The following LPP variants were observed in gnomAD, a reference collection of about 807,000 sequenced individuals.
LPP encodes LIM domain containing preferred translocation partner in lipoma, also known as lipoma-preferred partner.
LPP carries 38 observed loss-of-function variants against 60.4 expected under a neutral mutation model. The observed-to-expected ratio is 0.63, with a 90% CI of 0.49 to 0.83. The LOEUF (loss-of-function observed/expected upper bound fraction) is 0.83. LPP is among the 40% of genes least tolerant of loss of function. The probability of loss-of-function intolerance (pLI) is 0.00; values close to 1 mark genes in which losing one functional copy is unlikely to be tolerated. For synonymous variants in LPP, 328 were observed against 290.8 expected, an observed-to-expected ratio of 1.13 and a Z score of -1.30; for missense variants, 902 against 783.6, an observed-to-expected ratio of 1.15 and a Z score of -1.80.
In LPP at chr3:188,571,005, C is replaced by T. The variant is rs570426099; in HGVS notation, c.430-38156C>T. On this transcript the variant is annotated intron_variant, in intron 6 of 11. Transcript: ENST00000617246. ...CATTTGATAAGTGTATAAAGAGCTA[C>T]GCTCAAAGCTTTGTATTGTACCTCC... Among the ~76,000 whole-genome samples, 4 of 152,156 alleles carry T rather than the reference C, an allele frequency of 2.6e-5. No homozygotes were observed. In the East Asian group the frequency reaches 5.8e-4, roughly 22 times the overall value.
At chr3:188,233,870 C>T (rs1720962532) in intron 2 of LPP, among the ~76,000 whole-genome samples, 1 of 152,098 alleles carries the variant, frequency 6.6e-6, no homozygotes, top group South Asian at 2.1e-4. Flanking sequence ...CCCACTGCCA[C>T]CCTCCATGGC....
intron 9 of LPP, among the ~76,000 whole-genome samples, chr3:188,797,313 T>G (rs1745677772): frequency 6.6e-6 from 1 of 152,142 alleles, no homozygotes; most frequent in African/African-American, 2.4e-5. Flanking sequence ...AGTCTGTTAC[T>G]TCATAGGTTG....
chr3:188,662,804 C>T (rs922044720), intron 7 of LPP, among the ~76,000 whole-genome samples: 1 of 152,218 alleles, frequency 6.6e-6, no homozygotes, highest in Non-Finnish European at 1.5e-5. Flanking sequence ...TTCTCAAAGC[C>T]ATGTGACTCT....
At chr3:188,321,927 C>G (rs1259229673) in intron 2 of LPP, among the ~76,000 whole-genome samples, 1 of 152,168 alleles carries the variant, frequency 6.6e-6, no homozygotes, top group Non-Finnish European at 1.5e-5. Flanking sequence ...AAATGAAGAA[C>G]ATTGATCCAA....
intron 7 of LPP, among the ~76,000 whole-genome samples, chr3:188,636,656 C>G (rs1230471703): frequency 1.3e-5 from 2 of 152,134 alleles, no homozygotes; most frequent in African/African-American, 4.8e-5. Context: ...TTAAATGTCC[C>G]TGTCTGACAG....
At chr3:188,498,865 C>T (rs916302846) in intron 5 of LPP, among the ~76,000 whole-genome samples, 5 of 152,096 alleles carry the variant, frequency 3.3e-5, no homozygotes, top group African/African-American at 1.2e-4. Context: ...AGTGATAGCT[C>T]ATTGTAGTTT....
chr3:188,360,251 G>C (rs921849063), intron 3 of LPP, among the ~76,000 whole-genome samples: 2 of 152,158 alleles, frequency 1.3e-5, no homozygotes, highest in African/African-American at 4.8e-5. Context: ...GTAAACCTGA[G>C]AGAGTGTGGG....
At chr3:188,426,079 G>T (rs1328744891) in intron 4 of LPP, among the ~76,000 whole-genome samples, 1 of 151,496 alleles carries the variant, frequency 6.6e-6, no homozygotes, top group East Asian at 1.9e-4. Context: ...GCTTTCTCTT[G>T]TGGGTATTTA....
At chr3:188,429,729 T>C (rs1455616671) in intron 4 of LPP, among the ~76,000 whole-genome samples, 1 of 152,180 alleles carries the variant, frequency 6.6e-6, no homozygotes, top group African/African-American at 2.4e-5. Context: ...AGCGGAATAG[T>C]TCCACTGCAG....
At chr3:188,247,939 C>T (rs1727602392) in intron 2 of LPP, among the ~76,000 whole-genome samples, 2 of 152,208 alleles carry the variant, frequency 1.3e-5, no homozygotes, top group East Asian at 1.9e-4. Context: ...AACTTGGCCA[C>T]ATATTAAAAT....
At chr3:188,767,088 A>G (rs796540594) in intron 9 of LPP, among the ~76,000 whole-genome samples, 50 of 152,342 alleles carry the variant, frequency 3.3e-4, no homozygotes, top group African/African-American at 1.1e-3. Context: ...GATATTTTCC[A>G]AAAGGCAAAT....
chr3:188,507,073 A>T (rs893130249), intron 5 of LPP, among the ~76,000 whole-genome samples: 4 of 151,998 alleles, frequency 2.6e-5, no homozygotes, highest in Non-Finnish European at 5.9e-5. Flanking sequence ...CTGGGATTAC[A>T]GGCATGAGCC....
intron 9 of LPP, among the ~76,000 whole-genome samples, chr3:188,828,915 A>G (rs1756396877): frequency 6.6e-6 from 1 of 152,156 alleles, no homozygotes; most frequent in Non-Finnish European, 1.5e-5. Flanking sequence ...TGTATGCGTT[A>G]TGTATATAGC....
Position 188,609,188 on chromosome 3 carries a change from C to T in LPP, c.457C>T (p.Pro153Ser), listed in dbSNP as rs780877086. The T allele has an allele frequency of 1.2e-5, 20 of 1,612,884 alleles. No homozygotes were observed. The Middle Eastern group carries it at 4.9e-4, about 40-fold the overall frequency. ...CTCCACTGGTTCAACAGCCTCTCCT[C>T]CAGTTTCGACCCCAGTCACAGGACA... ...QSSTGSTASP[P>S]VSTPVTGHKR... is the part of the protein sequence containing the mutation. The change falls in exon 7 of 12, where the codon CCA (proline) becomes TCA (serine). Residue 153 changes from proline (P) to serine (S), a missense_variant. By Grantham distance (74) the Pro-to-Ser change is moderately conservative. Transcript: ENST00000617246. This position sits in a 1 kb window ranked among gnomAD's most constrained non-coding sequence, Gnocchi z 6.9.
At chr3:188,484,249 C>T (rs566078901) in intron 4 of LPP, among the ~76,000 whole-genome samples, 2 of 152,272 alleles carry the variant, frequency 1.3e-5, no homozygotes, top group Non-Finnish European at 2.9e-5. Context: ...AATTTTTCTT[C>T]CTCCTCTATT....
At position 188,552,000 on chromosome 3, in the gene LPP, C is replaced by CAACA. The variant is rs57372999; in HGVS notation, c.429+27230_429+27233dup. The stretch of plus-strand genomic sequence containing the variant: ...GTGCAAAAAGTTTGAACATTAACAA[C>CAACA]AACAAACAAACAAACAAACAGAAAA... On this transcript the variant is annotated intron_variant, in intron 6 of 11. Coordinates refer to ENST00000617246, the MANE Select transcript of LPP (RefSeq NM_001375462.1). 3.0e-3 allele frequency among the ~76,000 whole-genome samples: 459 copies of CAACA among 151,544 alleles called. 9 individuals are homozygous for CAACA. The highest frequency in any genetic ancestry group is 6.8e-4 in the Non-Finnish European group (46 of 67,790).
At chr3:188,708,527 C>A in intron 8 of LPP, 134 bp downstream of exon 8, 1 of 1,154,086 alleles carries the variant, frequency 8.7e-7, no homozygotes, top group Non-Finnish European at 1.3e-6. Context: ...TACATCCCCG[C>A]ACAACTAAGT....
chr3:188,590,021 T>G (rs982370299), intron 6 of LPP, among the ~76,000 whole-genome samples: 5 of 152,246 alleles, frequency 3.3e-5, no homozygotes, highest in African/African-American at 1.2e-4. Context: ...CAGCACTCTT[T>G]CGTATACTTA....
At chr3:188,645,248 CT>C (rs796743259) in intron 7 of LPP, among the ~76,000 whole-genome samples, 588 of 143,582 alleles carry the variant, frequency 4.1e-3, no homozygotes, top group Non-Finnish European at 5.0e-3. Context: ...AGTTCTAGAA[CT>C]TTTTTTTTTT....
Sources: allele counts gnomAD v4.1 joint callset (sites outside exome capture counted in the v4.1 genomes callset), GRCh38; gene constraint gnomAD v4.1.1; non-coding constraint Gnocchi (gnomAD v3.1); transcripts MANE v1.5; gene names NCBI Gene and HGNC (gene_info 2026-07-23, HGNC 2026-07-21).